ARF3: variants seen among roughly 807,000 people sequenced by gnomAD.
ARF3 encodes the protein ADP-ribosylation factor 3.
In ARF3, 5 loss-of-function variants were observed where a neutral mutation model predicts 19.3. The observed-to-expected ratio is 0.26, with a 90% CI of 0.14 to 0.54. The LOEUF is 0.54. Among genes scored for constraint, ARF3 ranks in the 20% least tolerant of loss-of-function variants. The pLI is 0.95. For synonymous variants in ARF3, 71 were observed against 89.2 expected (o/e 0.80, Z 1.15); for missense variants, 77 against 234.2 (o/e 0.33, Z 4.38).
intron 1 of ARF3, chr12:48,955,823 TG>T (rs1488196685): frequency 2.6e-5 from 4 of 152,196 alleles, no homozygotes; most frequent in Admixed American, 2.6e-4. Flanking sequence ...AATTCTATGC[TG>T]GGAAACAGGA....
Position 48,939,576 on chromosome 12 carries a change from C to T in ARF3, c.384+79G>A. On this transcript the variant is annotated intron_variant, in intron 4 of 4. Coordinates refer to ENST00000256682, the MANE Select transcript of ARF3 (RefSeq NM_001659.3). The surrounding 1 kb of genome is among the most constrained non-coding windows in gnomAD (Gnocchi z 4.8). Reference sequence around the variant, plus strand: ...TTGAGAGCATACTAAAAGGGTTAACCATATAATAGGCCCAAGAGCCAACAA... The same window carrying T: ...TTGAGAGCATACTAAAAGGGTTAACTATATAATAGGCCCAAGAGCCAACAA... The T allele has an allele frequency of 6.3e-7, 1 of 1,595,234 alleles. No homozygotes were observed.
chr12:48,938,829 G>A lies in ARF3; in HGVS notation c.*118C>T. The A allele has an allele frequency of 7.4e-7, 1 of 1,344,890 alleles. No homozygotes were observed. The highest frequency in any genetic ancestry group is 2.4e-5 in the Admixed American group (1 of 40,890). The allele number at this position is 1,344,890 out of a possible 1,614,324, so 83.3% of individuals were successfully genotyped here. Reference sequence around the variant, plus strand: ...GAGGCAAGGCTCTTGCTGGGCATGTGGACATGATACCCAGGGCCCTGGCCA... The same window carrying A: ...GAGGCAAGGCTCTTGCTGGGCATGTAGACATGATACCCAGGGCCCTGGCCA... On this transcript the variant is annotated 3_prime_UTR_variant, in exon 5 of 5. Transcript: ENST00000256682.
In ARF3 at chr12:48,939,834, AC is replaced by A; in HGVS notation, c.260-56del. On this transcript the variant is annotated intron_variant, in intron 3 of 4. Coordinates refer to ENST00000256682, the MANE Select transcript of ARF3 (RefSeq NM_001659.3). The surrounding 1 kb of genome is among the most constrained non-coding windows in gnomAD (Gnocchi z 4.8). The stretch of plus-strand genomic sequence containing the variant: ...GATGACAGGTAACCCCCTCCCCCCA[AC>A]CAAAAGACCACACCTGCCTGACACC... 1.2e-6 allele frequency: 2 copies of A among 1,609,692 alleles called. No individual in the cohort carries two copies. The highest frequency in any genetic ancestry group is 1.7e-6 in the Non-Finnish European group (2 of 1,176,956).
At chr12:48,952,788 A>T (rs1940492032) in intron 1 of ARF3, among the ~76,000 whole-genome samples, 1 of 152,130 alleles carries the variant, frequency 6.6e-6, no homozygotes, top group South Asian at 2.1e-4. Flanking sequence ...CATCCCAAAC[A>T]CACTTCTACT....
At chr12:48,955,189 G>A (rs1940540883) in intron 1 of ARF3, among the ~76,000 whole-genome samples, 3 of 152,082 alleles carry the variant, frequency 2.0e-5, no homozygotes, top group Non-Finnish European at 4.4e-5. Context: ...ATGACTCTTT[G>A]TGCACTTAGT....
chr12:48,949,893 T>C (rs1181608215), intron 1 of ARF3, among the ~76,000 whole-genome samples: 1 of 152,074 alleles, frequency 6.6e-6, no homozygotes, highest in Non-Finnish European at 1.5e-5. Context: ...GTCCAGCCTT[T>C]GGATGTTGAT....
chr12:48,939,544 T>C lies in ARF3; in HGVS notation c.384+111A>G. ...AGCCAAGTGCTCAGTTTCCCACGCT[T>C]CTAACATTGAGAGCATACTAAAAGG... On this transcript the variant is annotated intron_variant, in intron 4 of 4. Transcript: ENST00000256682. The surrounding 1 kb of genome is among the most constrained non-coding windows in gnomAD (Gnocchi z 4.8). The C allele has an allele frequency of 1.4e-6, 2 of 1,470,066 alleles. No homozygotes were observed. The highest frequency in any genetic ancestry group is 1.9e-5 in the Admixed American group (1 of 53,820). The allele number at this position is 1,470,066 out of a possible 1,614,324, so 91.1% of individuals were successfully genotyped here.
chr12:48,947,966 G>A (rs1940388254), intron 1 of ARF3, among the ~76,000 whole-genome samples: 1 of 101,648 alleles, frequency 9.8e-6, no homozygotes, highest in African/African-American at 3.5e-5. Context: ...AGCACTTTGG[G>A]AGGCTGATGC....
At chr12:48,942,097 G>A (rs1940269751) in intron 1 of ARF3, among the ~76,000 whole-genome samples, 1 of 152,032 alleles carries the variant, frequency 6.6e-6, no homozygotes, top group Non-Finnish European at 1.5e-5. Flanking sequence ...TGGCTTCATA[G>A]CTCCTTTTCA....
In ARF3 at chr12:48,938,833, A is replaced by T; in HGVS notation, c.*114T>A. Reference sequence around the variant, plus strand: ...CAAGGCTCTTGCTGGGCATGTGGACATGATACCCAGGGCCCTGGCCACACT... The same window carrying T: ...CAAGGCTCTTGCTGGGCATGTGGACTTGATACCCAGGGCCCTGGCCACACT... On this transcript the variant is annotated 3_prime_UTR_variant, in exon 5 of 5. Transcript: ENST00000256682. 1.4e-6 allele frequency: 2 copies of T among 1,382,590 alleles called. No individual in the cohort carries two copies. The highest frequency in any genetic ancestry group is 2.9e-5 in the South Asian group (2 of 69,752). The allele number at this position is 1,382,590 out of a possible 1,614,324, so 85.6% of individuals were successfully genotyped here. A position where few individuals can be genotyped will look rare whatever the true frequency, so the allele number is the denominator to read the frequency against.
chr12:48,943,186 G>A (rs1940296046), intron 1 of ARF3, among the ~76,000 whole-genome samples: 1 of 152,114 alleles, frequency 6.6e-6, no homozygotes, highest in South Asian at 2.1e-4. Context: ...CATTATGAAG[G>A]TATAAAATGT....
rs1316440252 is a variant in ARF3, at chr12:48,938,356, G to A, written c.*591C>T. On this transcript the variant is annotated 3_prime_UTR_variant, in exon 5 of 5. Coordinates refer to ENST00000256682, the MANE Select transcript of ARF3 (RefSeq NM_001659.3). ...CTTCTTCCCTTAATCTCACCAACACGGAAGGGGCAGATGACAGGCTCCAGT... is the reference window on the plus strand; with the variant it reads ...CTTCTTCCCTTAATCTCACCAACACAGAAGGGGCAGATGACAGGCTCCAGT... The A allele has an allele frequency of 1.5e-5, 7 of 454,138 alleles. No homozygotes were observed. The highest frequency in any genetic ancestry group is 6.0e-5 in the African/African-American group (3 of 50,014). The allele number at this position is 454,138 out of a possible 1,614,324, so 28.1% of individuals were successfully genotyped here. A position where few individuals can be genotyped will look rare whatever the true frequency, so the allele number is the denominator to read the frequency against.
chr12:48,939,678 G>C lies in ARF3; in HGVS notation c.361C>G (p.Leu121Val). The C allele has an allele frequency of 6.2e-7, 1 of 1,614,192 alleles. No individual in the cohort carries two copies. The highest frequency in any genetic ancestry group is 8.5e-7 in the Non-Finnish European group (1 of 1,180,044). Reference protein sequence around the residue: ...LAEDELRDAVLLVFANKQDLP... With the variant: ...LAEDELRDAVVLVFANKQDLP... ...ACCTGTTTGTTTGCAAAGACAAGGA[G>C]TACAGCATCCCGGAGCTCGTCCTCC... The change falls in exon 4 of 5, where the codon CTC becomes GTC. Residue 121 changes from leucine to valine, a missense_variant. Leu to Val is a conservative substitution (Grantham distance 32, BLOSUM62 1). Around this residue, in one of 3 missense-constraint regions of ARF3, gnomAD observed 53 missense variants for 121.2 expected, o/e 0.44. Transcript: ENST00000256682. This position sits in a 1 kb window ranked among gnomAD's most constrained non-coding sequence, Gnocchi z 4.8.
chr12:48,943,534 G>A lies in ARF3; in HGVS notation c.-93-2346C>T, dbSNP rs115838611. 2.9e-3 allele frequency among the ~76,000 whole-genome samples: 445 copies of A among 152,270 alleles called. 2 individuals carry two copies. The highest frequency in any genetic ancestry group is 0.01 in the African/African-American group (418 of 41,544). On this transcript the variant is annotated intron_variant, in intron 1 of 4. Coordinates refer to ENST00000256682, the MANE Select transcript of ARF3 (RefSeq NM_001659.3). ...AAACCCAAGAATGTGAAAGGTGGACGGGGAGGAATCCTATTTACAAGCTAA... is the reference window on the plus strand; with the variant it reads ...AAACCCAAGAATGTGAAAGGTGGACAGGGAGGAATCCTATTTACAAGCTAA...
chr12:48,956,771 G>A (rs1940576563), intron 1 of ARF3, among the ~76,000 whole-genome samples: 1 of 151,942 alleles, frequency 6.6e-6, no homozygotes, highest in Admixed American at 6.6e-5. Context: ...CCACAATAGC[G>A]CCCATGTGGT....
chr12:48,942,878 G>A (rs1391418167), intron 1 of ARF3, among the ~76,000 whole-genome samples: 1 of 152,150 alleles, frequency 6.6e-6, no homozygotes, highest in Admixed American at 6.5e-5. Flanking sequence ...AGGCCCAGGC[G>A]GGTGGATCAC....
At chr12:48,943,425 G>A (rs1418571051) in intron 1 of ARF3, among the ~76,000 whole-genome samples, 1 of 152,140 alleles carries the variant, frequency 6.6e-6, no homozygotes, top group Non-Finnish European at 1.5e-5. Context: ...CCAGCTGCTG[G>A]CATTCTCTAG....
At chr12:48,955,125 C>G (rs1304923139) in intron 1 of ARF3, among the ~76,000 whole-genome samples, 1 of 152,220 alleles carries the variant, frequency 6.6e-6, no homozygotes, top group Admixed American at 6.5e-5. Flanking sequence ...CCTGAGTCCA[C>G]TTCCTCTTAT....
intron 1 of ARF3, among the ~76,000 whole-genome samples, chr12:48,946,688 T>A (rs1318909105): frequency 6.6e-6 from 1 of 152,220 alleles, no homozygotes; most frequent in Admixed American, 6.5e-5. Flanking sequence ...TCTAAGGATA[T>A]CCTCACTTGA....
Sources: allele counts gnomAD v4.1 joint callset (sites outside exome capture counted in the v4.1 genomes callset), GRCh38; gene constraint gnomAD v4.1.1; regional missense constraint gnomAD v4.1.1; non-coding constraint Gnocchi (gnomAD v3.1); transcripts MANE v1.5; gene names NCBI Gene and HGNC (gene_info 2026-07-23, HGNC 2026-07-21).